The following AGBL4 variants were observed in gnomAD, a reference collection of about 807,000 sequenced individuals.
The protein encoded by AGBL4 is cytosolic carboxypeptidase 6.
Under a neutral mutation model 66.4 loss-of-function variants are expected in AGBL4, and 58 were observed. That is an observed-to-expected ratio of 0.87 (90% CI 0.71 to 1.09). AGBL4 has a LOEUF of 1.09. AGBL4 is among the 50% of genes least tolerant of loss of function. The probability of loss-of-function intolerance (pLI) is 0.00; values close to 1 mark genes in which losing one functional copy is unlikely to be tolerated. For missense variants in AGBL4, 579 were observed against 631.0 expected, an observed-to-expected ratio of 0.92 and a Z score of 0.88; for synonymous variants, 234 against 222.9, an observed-to-expected ratio of 1.05 and a Z score of -0.44.
At chr1:48,889,635 G>C (rs1570931800) in intron 5 of AGBL4, among the ~76,000 whole-genome samples, 2 of 152,168 alleles carry the variant, frequency 1.3e-5, no homozygotes, top group African/African-American at 4.8e-5. Flanking sequence ...TATGAAATGT[G>C]TCAGATTTAG....
At chr1:49,123,459 C>T (rs1037244360) in intron 4 of AGBL4, among the ~76,000 whole-genome samples, 2 of 152,134 alleles carry the variant, frequency 1.3e-5, no homozygotes, top group African/African-American at 4.8e-5. Flanking sequence ...ATATTTCATA[C>T]ACATTTTGAG....
At chr1:48,572,400 A>C (rs78906436) in intron 11 of AGBL4, among the ~76,000 whole-genome samples, 26,864 of 151,678 alleles carry the variant, frequency 0.18, 2,635 homozygotes, top group South Asian at 0.29. Flanking sequence ...TGAGAGAGGG[A>C]GCTAAGGCGG....
chr1:49,963,871 C>G (rs1180994343), intron 1 of AGBL4, among the ~76,000 whole-genome samples: 1 of 151,912 alleles, frequency 6.6e-6, no homozygotes, highest in East Asian at 1.9e-4. Flanking sequence ...TCCCTTCTCT[C>G]CCCAAAAATT....
chr1:49,014,220 G>A (rs1410753347), intron 5 of AGBL4, among the ~76,000 whole-genome samples: 3 of 152,212 alleles, frequency 2.0e-5, no homozygotes, highest in Non-Finnish European at 4.4e-5. Flanking sequence ...ATTTCTGAAA[G>A]CCTGACTGGA....
intron 2 of AGBL4, among the ~76,000 whole-genome samples, chr1:49,742,573 A>C (rs1001687239): frequency 4.6e-5 from 7 of 151,976 alleles, no homozygotes; most frequent in Admixed American, 3.3e-4. Context: ...TATGGAACCA[A>C]AAAAGAGCCC....
At chr1:49,236,003 T>TTTAA (rs1159717886) in intron 4 of AGBL4, among the ~76,000 whole-genome samples, 1 of 150,602 alleles carries the variant, frequency 6.6e-6, no homozygotes, top group African/African-American at 2.5e-5. Flanking sequence ...GAAGGATTTA[T>TTTAA]TTATTTATTT....
intron 3 of AGBL4, among the ~76,000 whole-genome samples, chr1:49,542,925 A>AAAAC (rs1652177382): frequency 7.1e-6 from 1 of 141,720 alleles, no homozygotes; most frequent in Non-Finnish European, 1.6e-5. Context: ...AAAAAAAAAA[A>AAAAC]CTCAACAACT....
In AGBL4 at chr1:48,868,203, G is replaced by T. The variant is rs112259203; in HGVS notation, c.595-973C>A. On this transcript the variant is annotated intron_variant, in intron 5 of 13. Transcript: ENST00000371839. Reference sequence around the variant, plus strand: ...TTCCATTTTGAGAGTCATTGCTCTAGATTACAAATTGCAGGAGCTTTCAAT... The same window carrying T: ...TTCCATTTTGAGAGTCATTGCTCTATATTACAAATTGCAGGAGCTTTCAAT... Among the ~76,000 whole-genome samples, 303 of 152,292 alleles carry T rather than the reference G, an allele frequency of 2.0e-3. 5 individuals are homozygous for T. Among genetic ancestry groups the T allele is most frequent in the African/African-American group, 6.7e-3 (280 of 41,556 alleles).
At chr1:49,602,183 G>A (rs1052979110) in intron 3 of AGBL4, among the ~76,000 whole-genome samples, 7 of 152,130 alleles carry the variant, frequency 4.6e-5, no homozygotes, top group African/African-American at 1.4e-4. Context: ...TCACTACCAA[G>A]TCAGGAAACA....
At chr1:49,627,453 C>G (rs1228735272) in intron 3 of AGBL4, among the ~76,000 whole-genome samples, 1 of 152,066 alleles carries the variant, frequency 6.6e-6, no homozygotes, top group Non-Finnish European at 1.5e-5. Flanking sequence ...TGCACCTTTA[C>G]CCCAGACCTC....
rs1644078057 is a variant in AGBL4, at chr1:49,562,584, G to T, written c.282+134729C>A. On this transcript the variant is annotated intron_variant, in intron 3 of 13. Coordinates refer to ENST00000371839, the MANE Select transcript of AGBL4 (RefSeq NM_032785.4). Reference sequence around the variant, plus strand: ...ATAGGGAATCCTTTCCCCCTTGCTTGTTTTTGTCAGGTTTGTCAAAGATCA... The same window carrying T: ...ATAGGGAATCCTTTCCCCCTTGCTTTTTTTTGTCAGGTTTGTCAAAGATCA... Among the ~76,000 whole-genome samples, 3 of 152,000 alleles carry T rather than the reference G, an allele frequency of 2.0e-5. No homozygotes were observed. The South Asian group carries it at 6.2e-4, about 32-fold the overall frequency.
intron 3 of AGBL4, among the ~76,000 whole-genome samples, chr1:49,603,062 A>G (rs1247374461): frequency 6.6e-6 from 1 of 152,078 alleles, no homozygotes; most frequent in Non-Finnish European, 1.5e-5. Flanking sequence ...CTTTCTGAAG[A>G]TTATATAGCC....
At chr1:49,426,374 C>G (rs900577199) in intron 3 of AGBL4, among the ~76,000 whole-genome samples, 6 of 152,128 alleles carry the variant, frequency 3.9e-5, no homozygotes, top group Non-Finnish European at 8.8e-5. Flanking sequence ...GAATATCACC[C>G]TGGATGCAAT....
At chr1:49,290,574 T>C (rs967844456) in intron 3 of AGBL4, among the ~76,000 whole-genome samples, 1 of 152,126 alleles carries the variant, frequency 6.6e-6, no homozygotes, top group Non-Finnish European at 1.5e-5. Context: ...GGAAAAAAAA[T>C]ATATCAAAGT....
intron 5 of AGBL4, among the ~76,000 whole-genome samples, chr1:48,967,187 A>G (rs1304443543): frequency 4.6e-5 from 7 of 152,038 alleles, no homozygotes; most frequent in Admixed American, 4.6e-4. Context: ...CATGGTCCTT[A>G]ATTCCCTTGA....
chr1:48,731,069 A>T (rs184833705), intron 6 of AGBL4, among the ~76,000 whole-genome samples: 1 of 152,226 alleles, frequency 6.6e-6, no homozygotes, highest in Non-Finnish European at 1.5e-5. Context: ...CTGTGAGCAT[A>T]AAGGCTTTTC....
chr1:49,895,494 G>C (rs1456948908), intron 1 of AGBL4, among the ~76,000 whole-genome samples: 1 of 151,884 alleles, frequency 6.6e-6, no homozygotes, highest in East Asian at 1.9e-4. Flanking sequence ...AACTTTTCAA[G>C]ACATAAATAG....
intron 6 of AGBL4, among the ~76,000 whole-genome samples, chr1:48,850,202 T>C (rs189852418): frequency 3.1e-4 from 47 of 152,290 alleles, no homozygotes; most frequent in South Asian, 1.0e-3. Flanking sequence ...AATGGATTCC[T>C]AAACTCAACA....
chr1:49,098,233 C>T (rs1465744128), intron 4 of AGBL4, among the ~76,000 whole-genome samples: 2 of 152,244 alleles, frequency 1.3e-5, no homozygotes, highest in Admixed American at 1.3e-4. Flanking sequence ...CCCAGCTCCA[C>T]TCTGTGCCTG....
Sources: allele counts gnomAD v4.1 joint callset (sites outside exome capture counted in the v4.1 genomes callset), GRCh38; gene constraint gnomAD v4.1.1; transcripts MANE v1.5; gene names NCBI Gene and HGNC (gene_info 2026-07-23, HGNC 2026-07-21).